Variants in BCO1 observed in about 807,000 individuals in gnomAD.
BCO1 encodes the protein beta,beta-carotene 15,15'-dioxygenase.
In BCO1, 54 loss-of-function variants were observed where a neutral mutation model predicts 56.3. The ratio of observed to expected loss-of-function variants is 0.96; its 90% CI spans 0.77 to 1.20. The LOEUF is 1.20. Among genes scored for constraint, BCO1 ranks in the 50% most tolerant of loss-of-function variants. The pLI is 0.00. For synonymous variants in BCO1, 318 were observed against 266.1 expected (o/e 1.20, Z -1.90); for missense variants, 801 against 690.9 (o/e 1.16, Z -1.79).
At chr16:81,275,396 T>G (rs775045768) in intron 7 of BCO1, among the ~76,000 whole-genome samples, 1 of 152,244 alleles carries the variant, frequency 6.6e-6, no homozygotes, top group African/African-American at 2.4e-5. Flanking sequence ...CCAGTGATTC[T>G]GCAGTGCAGC....
At position 81,267,811 on chromosome 16, in the gene BCO1, T is replaced by C; in HGVS notation, c.620-97T>C. On this transcript the variant is annotated intron_variant, in intron 5 of 10. Coordinates refer to ENST00000258168, the MANE Select transcript of BCO1 (RefSeq NM_017429.3). ...GTTGCTGTTTAATGTAAAGGTTTTT[T>C]TCAGCAATCAAGTCAGTTTGTAGGT... 2.8e-6 allele frequency: 3 copies of C among 1,055,462 alleles called. No individual in the cohort carries two copies. The South Asian group carries it at 3.9e-5, about 14-fold the overall frequency. The allele number at this position is 1,055,462 out of a possible 1,614,324, so 65.4% of individuals were successfully genotyped here. A position where few individuals can be genotyped will look rare whatever the true frequency, so the allele number is the denominator to read the frequency against.
intron 8 of BCO1, among the ~76,000 whole-genome samples, chr16:81,283,101 A>G (rs900632253): frequency 3.3e-5 from 5 of 152,154 alleles, no homozygotes; most frequent in African/African-American, 1.2e-4. Context: ...CTGCATTTGT[A>G]CTTTTGCAAA....
Position 81,245,475 on chromosome 16 carries a change from G to T in BCO1, c.65G>T (p.Gly22Val). ...QLEPVRAKVT[G>V]KIPAWLQGTL... ...AACTAAACATTCTCTCTTTTCTCAG[G>T]CAAGATTCCAGCATGGCTGCAGGGA... The change falls in exon 2 of 11, where the codon GGC (glycine) becomes GTC (valine). Residue 22 changes from glycine to valine, a missense_variant and splice_region_variant. Gly to Val is a moderately radical substitution (Grantham distance 109, BLOSUM62 -3). Transcript: ENST00000258168. The T allele has an allele frequency of 6.2e-7, 1 of 1,614,158 alleles. No homozygotes were observed. Among genetic ancestry groups the T allele is most frequent in the Non-Finnish European group, 8.5e-7 (1 of 1,180,024 alleles).
chr16:81,254,761 G>T (rs561074027), intron 2 of BCO1, among the ~76,000 whole-genome samples: 1 of 152,186 alleles, frequency 6.6e-6, no homozygotes, highest in Non-Finnish European at 1.5e-5. Context: ...TAGTGACAAG[G>T]TGGATATATG....
rs141099927 is a variant in BCO1, at chr16:81,289,169, C to G, written c.1415-1179C>G. Among the ~76,000 whole-genome samples, 5 of 152,326 alleles carry G rather than the reference C, an allele frequency of 3.3e-5. No individual in the cohort carries two copies. In the East Asian group the frequency reaches 9.6e-4, roughly 29 times the overall value. On this transcript the variant is annotated intron_variant, in intron 10 of 10. Transcript: ENST00000258168. Reference sequence around the variant, plus strand: ...ATCTGACCTCAACGATGCTCAACTGCTCTTCCACCTGGGACCCTCTGGAGG... The same window carrying G: ...ATCTGACCTCAACGATGCTCAACTGGTCTTCCACCTGGGACCCTCTGGAGG...
chr16:81,264,365 C>T (rs142583720), intron 4 of BCO1, among the ~76,000 whole-genome samples: 133 of 152,290 alleles, frequency 8.7e-4, no homozygotes, highest in African/African-American at 2.9e-3. Flanking sequence ...CACACCAGCT[C>T]CCTAACTCCC....
At chr16:81,240,726 C>A (rs1003682253) in intron 1 of BCO1, among the ~76,000 whole-genome samples, 2 of 151,810 alleles carry the variant, frequency 1.3e-5, no homozygotes, top group Non-Finnish European at 2.9e-5. Flanking sequence ...TAAAAAAAAA[C>A]CAGGCACCCC....
chr16:81,247,444 C>A (rs185321650), intron 2 of BCO1, among the ~76,000 whole-genome samples: 1 of 152,182 alleles, frequency 6.6e-6, no homozygotes, highest in African/African-American at 2.4e-5. Flanking sequence ...AGGAGTGTTG[C>A]TTGATCCCAG....
chr16:81,274,803 A>G (rs1309219525), intron 7 of BCO1, among the ~76,000 whole-genome samples: 1 of 151,996 alleles, frequency 6.6e-6, no homozygotes, highest in Non-Finnish European at 1.5e-5. Context: ...GCTTGAACCC[A>G]GGAGGTGGAG....
At chr16:81,281,685 G>A (rs1356483606) in intron 8 of BCO1, among the ~76,000 whole-genome samples, 1 of 152,200 alleles carries the variant, frequency 6.6e-6, no homozygotes, top group Admixed American at 6.5e-5. Context: ...TAGAACAGGA[G>A]TCACACCCGT....
At chr16:81,259,188 ATG>A (rs1282728462) in intron 2 of BCO1, among the ~76,000 whole-genome samples, 2 of 152,208 alleles carry the variant, frequency 1.3e-5, no homozygotes, top group East Asian at 3.9e-4. Context: ...GAGTGAGAAA[ATG>A]TGTGTCTAAA....
intron 6 of BCO1, among the ~76,000 whole-genome samples, chr16:81,268,605 G>A (rs1256948657): frequency 6.6e-6 from 1 of 152,146 alleles, no homozygotes; most frequent in Admixed American, 6.5e-5. Context: ...TTCCATTCAG[G>A]TACACCTGAG....
chr16:81,274,662 G>A (rs1366799197), intron 7 of BCO1, among the ~76,000 whole-genome samples: 1 of 152,210 alleles, frequency 6.6e-6, no homozygotes, highest in African/African-American at 2.4e-5. Flanking sequence ...GTGATCACCT[G>A]AGGTCAGGAG....
At chr16:81,244,254 T>C (rs888136037) in intron 1 of BCO1, among the ~76,000 whole-genome samples, 2 of 152,188 alleles carry the variant, frequency 1.3e-5, no homozygotes, top group Admixed American at 1.3e-4. Flanking sequence ...AGCAGGGCTG[T>C]CCCCTAGAAA....
At chr16:81,257,940 G>T (rs2151934564) in intron 2 of BCO1, among the ~76,000 whole-genome samples, 1 of 152,104 alleles carries the variant, frequency 6.6e-6, no homozygotes. Context: ...ATCTTGAGAT[G>T]GGGGAGGTGA....
Position 81,278,954 on chromosome 16 carries a change from A to G in BCO1, c.1102-1903A>G, listed in dbSNP as rs148539367. 2.0e-4 allele frequency among the ~76,000 whole-genome samples: 31 copies of G among 151,680 alleles called. No individual in the cohort carries two copies. The East Asian group carries it at 5.6e-3, about 27-fold the overall frequency. On this transcript the variant is annotated intron_variant, in intron 7 of 10. Coordinates refer to ENST00000258168, the MANE Select transcript of BCO1 (RefSeq NM_017429.3). ...CATGCTCTCCAACAAAAATGCTGCT[A>G]TCCCTAAAATAGGTTGGTTTTAATT...
Position 81,270,402 on chromosome 16 carries a change from C to G in BCO1, c.1087C>G (p.Leu363Val). The change falls in exon 7 of 11, where the codon CTC becomes GTC. Residue 363 changes from leucine to valine, a missense_variant. Physicochemically the swap from Leu to Val is conservative, Grantham distance 32. Coordinates refer to ENST00000258168, the MANE Select transcript of BCO1 (RefSeq NM_017429.3). ...CACCCTCAGGAGGTTTGCCGTGCCC[C>G]TCCACGTGGACAAGGTAATGGCTTC... is the stretch of plus-strand genomic sequence containing the variant. The part of the protein sequence containing the change: ...VPTLRRFAVP[L>V]HVDKNAEVGT... 6.2e-7 allele frequency: 1 copy of G among 1,614,078 alleles called. No homozygotes were observed. The highest frequency in any genetic ancestry group is 8.5e-7 in the Non-Finnish European group (1 of 1,180,016).
At chr16:81,249,423 AT>A (rs1905645535) in intron 2 of BCO1, among the ~76,000 whole-genome samples, 1 of 151,922 alleles carries the variant, frequency 6.6e-6, no homozygotes, top group Admixed American at 6.6e-5. Flanking sequence ...CGCCTGGCTA[AT>A]TTTTTGTATT....
In BCO1 at chr16:81,278,152, C is replaced by T. The variant is rs112733787; in HGVS notation, c.1102-2705C>T. Among the ~76,000 whole-genome samples the T allele has an allele frequency of 2.1e-3, 318 of 152,308 alleles. 1 individual carries two copies. Among genetic ancestry groups the T allele is most frequent in the African/African-American group, 7.4e-3 (306 of 41,574 alleles). On this transcript the variant is annotated intron_variant, in intron 7 of 10. Coordinates refer to ENST00000258168, the MANE Select transcript of BCO1 (RefSeq NM_017429.3). ...CGCCTCCCAGGTTCAAGCGATTCTC[C>T]TGCCTCAGTCTCCTGAGCAGCTGGG...
Sources: allele counts gnomAD v4.1 joint callset (sites outside exome capture counted in the v4.1 genomes callset), GRCh38; gene constraint gnomAD v4.1.1; transcripts MANE v1.5; gene names NCBI Gene and HGNC (gene_info 2026-07-23, HGNC 2026-07-21).